Variants in FGGY observed in about 807,000 individuals in gnomAD.
FGGY encodes the protein FGGY carbohydrate kinase domain containing.
Under a neutral mutation model 71.3 loss-of-function variants are expected in FGGY, and 72 were observed. The observed-to-expected ratio is 1.01, with a 90% CI of 0.84 to 1.23. The LOEUF (loss-of-function observed/expected upper bound fraction) is 1.23, where lower values mean the gene tolerates loss of function less well. Among genes scored for constraint, FGGY ranks in the 50% most tolerant of loss-of-function variants. FGGY has a pLI of 0.00. For missense variants in FGGY, 668 were observed against 682.3 expected (o/e 0.98, Z 0.23); for synonymous variants, 251 against 250.3 (o/e 1.00, Z -0.02).
intron 11 of FGGY, among the ~76,000 whole-genome samples, chr1:59,642,384 T>C (rs1451442144): frequency 6.6e-6 from 1 of 152,166 alleles, no homozygotes; most frequent in Admixed American, 6.5e-5. Context: ...CCCAGCACTT[T>C]GGGAGGCCGA....
intron 14 of FGGY, among the ~76,000 whole-genome samples, chr1:59,675,245 A>G (rs1211058053): frequency 1.3e-5 from 2 of 152,182 alleles, no homozygotes; most frequent in African/African-American, 4.8e-5. Context: ...CAAGCCAGGT[A>G]TCTAGTAGCT....
chr1:59,430,295 G>A (rs1423307452), intron 5 of FGGY, among the ~76,000 whole-genome samples: 1 of 152,014 alleles, frequency 6.6e-6, no homozygotes, highest in Non-Finnish European at 1.5e-5. Context: ...ACAAAGTATT[G>A]CACCAGGGGC....
intron 15 of FGGY, 53 bp downstream of exon 15, chr1:59,758,045 C>A: frequency 8.2e-7 from 1 of 1,224,106 alleles, no homozygotes; most frequent in Non-Finnish European, 1.2e-6. Context: ...CACATACACA[C>A]ACACATGCAA....
intron 8 of FGGY, among the ~76,000 whole-genome samples, chr1:59,587,540 C>A (rs2096326865): frequency 6.6e-6 from 1 of 152,186 alleles, no homozygotes; most frequent in Admixed American, 6.5e-5. Flanking sequence ...AACTGGGAGG[C>A]ACCCCCCAGT....
chr1:59,421,809 C>A (rs1368307947), intron 5 of FGGY, among the ~76,000 whole-genome samples: 2 of 145,594 alleles, frequency 1.4e-5, no homozygotes, highest in African/African-American at 4.9e-5. Flanking sequence ...TCTCATTTGA[C>A]TAGACTACCA....
chr1:59,348,325 G>C (rs1307269449), intron 4 of FGGY, among the ~76,000 whole-genome samples: 1 of 152,092 alleles, frequency 6.6e-6, no homozygotes, highest in East Asian at 1.9e-4. Context: ...GACATCTTAG[G>C]CTTTCCCTTT....
intron 14 of FGGY, among the ~76,000 whole-genome samples, chr1:59,744,249 C>A (rs1400478956): frequency 1.3e-5 from 2 of 152,092 alleles, no homozygotes; most frequent in Admixed American, 6.5e-5. Flanking sequence ...GAGACAGAGT[C>A]TCCCTCTGTC....
chr1:59,517,783 ATG>A (rs34285217), intron 7 of FGGY, among the ~76,000 whole-genome samples: 23,900 of 152,116 alleles, frequency 0.16, 2,424 homozygotes, highest in Middle Eastern at 0.29. Flanking sequence ...CCCTTAACAC[ATG>A]CGTATTTAGT....
At chr1:59,327,892 CTCT>C (rs2153158563) in intron 2 of FGGY, among the ~76,000 whole-genome samples, 1 of 152,292 alleles carries the variant, frequency 6.6e-6, no homozygotes, top group South Asian at 2.1e-4. Flanking sequence ...TGAAAGGAAT[CTCT>C]TTTCTTTGAG....
intron 8 of FGGY, among the ~76,000 whole-genome samples, chr1:59,579,138 C>T (rs569344821): frequency 7.9e-5 from 12 of 152,112 alleles, no homozygotes; most frequent in African/African-American, 1.7e-4. Context: ...TCATTCAGAT[C>T]GTTCTGTTGG....
At chr1:59,517,884 G>A (rs184341910) in intron 7 of FGGY, among the ~76,000 whole-genome samples, 46 of 152,258 alleles carry the variant, frequency 3.0e-4, no homozygotes, top group African/African-American at 1.0e-3. Context: ...AAAGGCAATT[G>A]TCCCTATACA....
At chr1:59,509,474 A>G (rs1316791354) in intron 6 of FGGY, among the ~76,000 whole-genome samples, 1 of 152,140 alleles carries the variant, frequency 6.6e-6, no homozygotes, top group Non-Finnish European at 1.5e-5. Flanking sequence ...GATTAAGTTC[A>G]AACACTTAAG....
chr1:59,614,833 C>G (rs943837202), intron 9 of FGGY, among the ~76,000 whole-genome samples: 1 of 152,196 alleles, frequency 6.6e-6, no homozygotes, highest in Non-Finnish European at 1.5e-5. Flanking sequence ...GCAAAAATCA[C>G]AAGCATTCTT....
At chr1:59,631,993 G>T (rs1372306350) in intron 10 of FGGY, among the ~76,000 whole-genome samples, 2 of 152,192 alleles carry the variant, frequency 1.3e-5, no homozygotes, top group East Asian at 1.9e-4. Context: ...TGACAACAGG[G>T]TTTAGTGAGA....
chr1:59,542,649 T>C (rs192980931), intron 7 of FGGY, among the ~76,000 whole-genome samples: 19 of 151,886 alleles, frequency 1.3e-4, no homozygotes, highest in African/African-American at 4.6e-4. Flanking sequence ...AGAGATGGGG[T>C]TTCTCCATGT....
intron 3 of FGGY, among the ~76,000 whole-genome samples, chr1:59,344,687 G>A (rs185134345): frequency 7.2e-5 from 11 of 152,184 alleles, no homozygotes; most frequent in Admixed American, 2.0e-4. Context: ...ACCTATGTAC[G>A]TCTTCCCATG....
At chr1:59,518,576 C>T (rs969302535) in intron 7 of FGGY, among the ~76,000 whole-genome samples, 13 of 152,150 alleles carry the variant, frequency 8.5e-5, no homozygotes, top group African/African-American at 2.7e-4. Flanking sequence ...TGGTGGATTT[C>T]TCATGAATGG....
chr1:59,613,195 A>G (rs2096709922), intron 9 of FGGY, among the ~76,000 whole-genome samples: 3 of 152,212 alleles, frequency 2.0e-5, no homozygotes, highest in Non-Finnish European at 4.4e-5. Flanking sequence ...CAGAATATAC[A>G]TTCTTCTCAG....
intron 9 of FGGY, among the ~76,000 whole-genome samples, chr1:59,620,287 T>C (rs992064051): frequency 5.3e-5 from 8 of 152,026 alleles, no homozygotes; most frequent in Non-Finnish European, 1.2e-4. Flanking sequence ...CATCAGTAAG[T>C]CCTAAGGGTT....
Sources: allele counts gnomAD v4.1 joint callset (sites outside exome capture counted in the v4.1 genomes callset), GRCh38; gene constraint gnomAD v4.1.1; transcripts MANE v1.5; gene names NCBI Gene and HGNC (gene_info 2026-07-23, HGNC 2026-07-21).